SPRED2: variants seen among roughly 807,000 people sequenced by gnomAD.
SPRED2 encodes the protein sprouty related EVH1 domain containing 2.
In SPRED2, 47 loss-of-function variants were observed where a neutral mutation model predicts 43.0. That is an observed-to-expected ratio of 1.09 (90% CI 0.87 to 1.40). SPRED2 has a LOEUF of 1.40. SPRED2 is among the 40% of genes most tolerant of loss of function. The pLI is 0.00. For missense variants in SPRED2, 561 were observed against 586.4 expected (o/e 0.96, Z 0.45); for synonymous variants, 225 against 225.7 (o/e 1.00, Z 0.03).
chr2:65,415,319 T>C (rs1572902817), intron 1 of SPRED2, among the ~76,000 whole-genome samples: 1 of 152,218 alleles, frequency 6.6e-6, no homozygotes, highest in Non-Finnish European at 1.5e-5. Flanking sequence ...TCTTAAAACC[T>C]GGCATCAGTC....
intron 1 of SPRED2, chr2:65,366,611 T>C: frequency 6.4e-7 from 1 of 1,553,702 alleles, no homozygotes; most frequent in South Asian, 1.2e-5. Flanking sequence ...TGCCATTTCC[T>C]CTACATTGTG....
chr2:65,355,065 GA>G (rs1299825516), intron 1 of SPRED2, among the ~76,000 whole-genome samples: 2 of 152,186 alleles, frequency 1.3e-5, no homozygotes, highest in Non-Finnish European at 2.9e-5. Flanking sequence ...TATAATCAGC[GA>G]AGAATGGAAC....
intron 1 of SPRED2, among the ~76,000 whole-genome samples, chr2:65,355,337 C>G: frequency 6.6e-6 from 1 of 152,124 alleles, no homozygotes; most frequent in East Asian, 1.9e-4. Flanking sequence ...TGTTGACATT[C>G]AAGGCATGTG....
intron 1 of SPRED2, among the ~76,000 whole-genome samples, chr2:65,425,407 A>T (rs1676534028): frequency 1.3e-5 from 2 of 152,256 alleles, no homozygotes; most frequent in Non-Finnish European, 2.9e-5. Flanking sequence ...TTTTAAATAA[A>T]TATTCAACTA....
intron 4 of SPRED2, among the ~76,000 whole-genome samples, chr2:65,320,516 A>G (rs1276339535): frequency 6.6e-6 from 1 of 152,210 alleles, no homozygotes; most frequent in Admixed American, 6.5e-5. Flanking sequence ...TGTGAGACTG[A>G]GAAAGGCCTT....
intron 1 of SPRED2, among the ~76,000 whole-genome samples, chr2:65,391,729 A>T (rs1471989057): frequency 6.6e-6 from 1 of 152,216 alleles, no homozygotes; most frequent in East Asian, 1.9e-4. Context: ...TTTTAAAAGA[A>T]GTATTACAGG....
chr2:65,377,509 A>G (rs1035249323), intron 1 of SPRED2: 3 of 460,248 alleles, frequency 6.5e-6, no homozygotes, highest in Non-Finnish European at 1.4e-5. Context: ...GCAGCGTCTG[A>G]CTCTAAGAAA....
At chr2:65,427,260 G>T (rs1012682207) in intron 1 of SPRED2, among the ~76,000 whole-genome samples, 5 of 151,730 alleles carry the variant, frequency 3.3e-5, no homozygotes, top group African/African-American at 7.3e-5. Context: ...TATTTTTTTG[G>T]TAGAGACAGG....
downstream of SPRED2, among the ~76,000 whole-genome samples, chr2:65,310,109 C>T (rs1415859801): frequency 2.0e-5 from 3 of 152,146 alleles, no homozygotes; most frequent in Non-Finnish European, 4.4e-5. Flanking sequence ...CCTCCAAGTC[C>T]TCCTCTCCCT....
intron 1 of SPRED2, among the ~76,000 whole-genome samples, chr2:65,415,342 ATC>A (rs994360711): frequency 3.5e-4 from 53 of 152,200 alleles, no homozygotes; most frequent in African/African-American, 1.2e-3. Flanking sequence ...TGTTAGAGAC[ATC>A]TGTTTTAAGT....
chr2:65,396,366 C>T (rs548329501), intron 1 of SPRED2, among the ~76,000 whole-genome samples: 21 of 152,334 alleles, frequency 1.4e-4, no homozygotes, highest in African/African-American at 3.6e-4. Context: ...CAAATACCTA[C>T]GGCGCATCAT....
chr2:65,429,035 T>C (rs1237651073), intron 1 of SPRED2, among the ~76,000 whole-genome samples: 1 of 152,246 alleles, frequency 6.6e-6, no homozygotes, highest in African/African-American at 2.4e-5. Flanking sequence ...ATTTTCTATA[T>C]GGAAGATATC....
chr2:65,421,029 C>A lies in SPRED2; in HGVS notation c.26+10933G>T, dbSNP rs74341070. ...CAAGCTTCCCAGGGCGGCAGCCTTT[C>A]CGTGCATACATGACTGATTTGTCTG... is the stretch of plus-strand genomic sequence containing the variant. On this transcript the variant is annotated intron_variant, in intron 1 of 5. Transcript: ENST00000356388. 6.6e-4 allele frequency among the ~76,000 whole-genome samples: 100 copies of A among 152,338 alleles called. No individual in the cohort carries two copies. In the East Asian group the frequency reaches 0.01, roughly 16 times the overall value.
chr2:65,391,462 T>C (rs1675634824), intron 1 of SPRED2, among the ~76,000 whole-genome samples: 1 of 152,230 alleles, frequency 6.6e-6, no homozygotes, highest in Non-Finnish European at 1.5e-5. Context: ...ATTTGGATCA[T>C]GTTATGTAGG....
intron 1 of SPRED2, among the ~76,000 whole-genome samples, chr2:65,368,168 T>C (rs907966325): frequency 3.9e-5 from 6 of 152,330 alleles, no homozygotes; most frequent in Middle Eastern, 6.8e-3. Context: ...TGTTTCAGGC[T>C]GAGGTTCACA....
Position 65,432,173 on chromosome 2 carries a change from G to T in SPRED2, c.-186C>A. 1.4e-6 allele frequency: 1 copy of T among 691,548 alleles called. No individual in the cohort carries two copies. The highest frequency in any genetic ancestry group is 1.8e-5 in the South Asian group (1 of 56,024). The allele number at this position is 691,548 out of a possible 1,614,324, so 42.8% of individuals were successfully genotyped here. A position where few individuals can be genotyped will look rare whatever the true frequency, so the allele number is the denominator to read the frequency against. ...CGCGGGATAGGGTTTGGGGGAAGGG[G>T]TGCAAAGGCAGGCTGCGCGGGGAGT... On this transcript the variant is annotated 5_prime_UTR_variant, in exon 1 of 6. Coordinates refer to ENST00000356388, the MANE Select transcript of SPRED2 (RefSeq NM_181784.3).
intron 1 of SPRED2, among the ~76,000 whole-genome samples, chr2:65,396,405 C>T (rs560181462): frequency 1.1e-4 from 17 of 152,302 alleles, no homozygotes; most frequent in Non-Finnish European, 1.9e-4. Context: ...AGCAAAAGCT[C>T]CCGTGTGCTT....
intron 1 of SPRED2, among the ~76,000 whole-genome samples, chr2:65,381,252 T>A (rs1675367624): frequency 6.6e-6 from 1 of 152,240 alleles, no homozygotes; most frequent in Non-Finnish European, 1.5e-5. Context: ...CTTGGTGTTG[T>A]GTCCCAGCCT....
At chr2:65,349,044 C>T (rs958159159) in intron 1 of SPRED2, among the ~76,000 whole-genome samples, 1 of 152,110 alleles carries the variant, frequency 6.6e-6, no homozygotes, top group Non-Finnish European at 1.5e-5. Context: ...CGCAGTGGCT[C>T]ACGCCTGTAA....
Sources: allele counts gnomAD v4.1 joint callset (sites outside exome capture counted in the v4.1 genomes callset), GRCh38; gene constraint gnomAD v4.1.1; transcripts MANE v1.5; gene names NCBI Gene and HGNC (gene_info 2026-07-23, HGNC 2026-07-21).